Variants in TUSC3 observed in about 807,000 individuals in gnomAD.
TUSC3 encodes the protein tumor suppressor candidate 3.
In TUSC3, 45 loss-of-function variants were observed where a neutral mutation model predicts 44.8. The ratio of observed to expected loss-of-function variants is 1.00; its 90% CI spans 0.79 to 1.29. The LOEUF is 1.29. TUSC3 is among the 50% of genes most tolerant of loss of function. TUSC3 has a pLI of 0.00. For missense variants in TUSC3, 519 were observed against 437.9 expected, an observed-to-expected ratio of 1.19 and a Z score of -1.65; for synonymous variants, 212 against 152.9, an observed-to-expected ratio of 1.39 and a Z score of -2.85.
intron 1 of TUSC3, among the ~76,000 whole-genome samples, chr8:15,570,295 C>CACACAT (rs1182305622): frequency 1.3e-5 from 2 of 151,776 alleles, no homozygotes; most frequent in African/African-American, 2.4e-5. Context: ...CACACACACA[C>CACACAT]ACACACACTC....
chr8:15,520,774 G>T (rs1325027449), intron 2 of TUSC3, among the ~76,000 whole-genome samples: 14 of 152,092 alleles, frequency 9.2e-5, no homozygotes, highest in Non-Finnish European at 1.5e-5. Flanking sequence ...ACACCATAAA[G>T]TATTCAACAA....
At chr8:15,568,298 C>T (rs1802749559) in intron 1 of TUSC3, among the ~76,000 whole-genome samples, 1 of 152,130 alleles carries the variant, frequency 6.6e-6, no homozygotes, top group South Asian at 2.1e-4. Flanking sequence ...TGTGCCAGTC[C>T]TTGTTCTGGG....
At chr8:15,548,221 G>A (rs1801941366) in intron 1 of TUSC3, among the ~76,000 whole-genome samples, 1 of 151,734 alleles carries the variant, frequency 6.6e-6, no homozygotes. Context: ...TTGCCTGATG[G>A]TTGTGACAAA....
chr8:15,806,925 C>T, the TUSC3 span: 2 of 1,426,426 alleles, frequency 1.4e-6, no homozygotes, highest in African/African-American at 1.4e-5. Flanking sequence ...TCTATCTGCA[C>T]CATGTTTCTT....
In TUSC3 at chr8:15,673,736, C is replaced by T. The variant is rs1808058471; in HGVS notation, c.709-11C>T. On this transcript the variant is annotated splice_polypyrimidine_tract_variant and intron_variant, in intron 5 of 10. Coordinates refer to ENST00000503731, the MANE Select transcript of TUSC3 (RefSeq NM_006765.4). ...GGTTTACATATTGAAACACTGCACC[C>T]TGTTTTTCAGTGTATAGTCTTTGCT... is the stretch of plus-strand genomic sequence containing the variant. The T allele has an allele frequency of 1.9e-6, 3 of 1,606,104 alleles. No homozygotes were observed. Among genetic ancestry groups the T allele is most frequent in the African/African-American group, 2.7e-5 (2 of 74,788 alleles).
chr8:15,840,904 G>A, the TUSC3 span, among the ~76,000 whole-genome samples: 1 of 152,128 alleles, frequency 6.6e-6, no homozygotes, highest in African/African-American at 2.4e-5. Context: ...CAAATGCAGT[G>A]CTCATATAGG....
At chr8:15,839,615 T>C in the TUSC3 span, among the ~76,000 whole-genome samples, 4 of 152,128 alleles carry the variant, frequency 2.6e-5, no homozygotes, top group African/African-American at 4.8e-5. Context: ...AGCCAACAGA[T>C]ACATGACAAA....
intron 3 of TUSC3, among the ~76,000 whole-genome samples, chr8:15,655,160 A>C (rs1458099331): frequency 6.6e-6 from 1 of 152,236 alleles, no homozygotes; most frequent in African/African-American, 2.4e-5. Context: ...TTGCTAAAAT[A>C]ATAATTGGTT....
At chr8:15,669,236 AG>A (rs1347658878) in intron 5 of TUSC3, among the ~76,000 whole-genome samples, 4 of 151,884 alleles carry the variant, frequency 2.6e-5, no homozygotes, top group Admixed American at 1.3e-4. Context: ...TTCATACTCC[AG>A]TATGGATTGA....
the TUSC3 span, among the ~76,000 whole-genome samples, chr8:15,840,516 A>G: frequency 1.3e-5 from 2 of 152,198 alleles, no homozygotes; most frequent in Non-Finnish European, 2.9e-5. Flanking sequence ...TTCAAAGATG[A>G]AATTATTTTA....
At chr8:15,774,610 A>C in the TUSC3 span, among the ~76,000 whole-genome samples, 1 of 152,156 alleles carries the variant, frequency 6.6e-6, no homozygotes, top group Non-Finnish European at 1.5e-5. Flanking sequence ...CTGTTCTTTT[A>C]ACCCATCCAT....
chr8:15,498,977 A>G (rs1346565985), intron 2 of TUSC3, among the ~76,000 whole-genome samples: 1 of 152,134 alleles, frequency 6.6e-6, no homozygotes, highest in Non-Finnish European at 1.5e-5. Flanking sequence ...CATAGACCTT[A>G]TGGAACTAGT....
At chr8:15,417,838 C>T (rs374289460) in intron 1 of TUSC3, among the ~76,000 whole-genome samples, 1 of 152,080 alleles carries the variant, frequency 6.6e-6, no homozygotes, top group East Asian at 1.9e-4. Context: ...AATAAGACTG[C>T]GGCCTTTCTC....
At chr8:15,492,301 C>G (rs1800820000) in intron 2 of TUSC3, among the ~76,000 whole-genome samples, 1 of 152,126 alleles carries the variant, frequency 6.6e-6, no homozygotes, top group African/African-American at 2.4e-5. Flanking sequence ...ACTGACCACC[C>G]TCAGATCAAT....
At chr8:15,761,510 T>C (rs1812168271) in intron 10 of TUSC3, among the ~76,000 whole-genome samples, 1 of 152,210 alleles carries the variant, frequency 6.6e-6, no homozygotes, top group African/African-American at 2.4e-5. Flanking sequence ...CCAATTAGCT[T>C]CCATTTTCTA....
intron 1 of TUSC3, among the ~76,000 whole-genome samples, chr8:15,447,424 A>C (rs2129119647): frequency 6.6e-6 from 1 of 152,318 alleles, no homozygotes; most frequent in East Asian, 1.9e-4. Flanking sequence ...TAAAGACACA[A>C]GTTTAAATTA....
At chr8:15,431,018 C>G (rs998654917) in intron 1 of TUSC3, among the ~76,000 whole-genome samples, 3 of 151,558 alleles carry the variant, frequency 2.0e-5, no homozygotes, top group African/African-American at 7.3e-5. Context: ...TTTCTGGGCT[C>G]TTTATTTTAC....
At chr8:15,555,129 T>C (rs1269555089) in intron 1 of TUSC3, among the ~76,000 whole-genome samples, 1 of 138,154 alleles carries the variant, frequency 7.2e-6, no homozygotes, top group African/African-American at 2.7e-5. Flanking sequence ...GACAATATTA[T>C]AATAGCAGTC....
At chr8:15,555,992 TA>T (rs969337849) in intron 1 of TUSC3, among the ~76,000 whole-genome samples, 1 of 151,166 alleles carries the variant, frequency 6.6e-6, no homozygotes, top group African/African-American at 2.4e-5. Context: ...TTTTATTTTT[TA>T]TTTTTTTATT....
Sources: gnomAD v4.1 joint callset for allele counts (sites outside exome capture counted in the v4.1 genomes callset) on GRCh38, gnomAD v4.1.1 for gene constraint, MANE v1.5 for transcripts, NCBI Gene and HGNC (gene_info 2026-07-23, HGNC 2026-07-21) for gene names.